STON2: variants seen among roughly 807,000 people sequenced by gnomAD.
STON2 encodes the protein stonin-2.
A neutral mutation model predicts 65.7 loss-of-function variants in STON2; 29 were observed. That is an observed-to-expected ratio of 0.44 (90% CI 0.33 to 0.60). STON2 has a LOEUF of 0.60. Among genes scored for constraint, STON2 ranks in the 20% least tolerant of loss-of-function variants. The probability of loss-of-function intolerance (pLI) is 0.03; values close to 1 mark genes in which losing one functional copy is unlikely to be tolerated. For missense variants in STON2, 1,054 were observed against 1,118.1 expected (o/e 0.94, Z 0.82); for synonymous variants, 404 against 414.2 (o/e 0.98, Z 0.30).
chr14:81,432,520 G>A (rs1902264031), intron 1 of STON2, among the ~76,000 whole-genome samples: 2 of 152,194 alleles, frequency 1.3e-5, no homozygotes, highest in African/African-American at 2.4e-5. Flanking sequence ...TCCACCCAGT[G>A]GGAAAGCTCA....
At position 81,330,175 on chromosome 14, in the gene STON2, C is replaced by T. The variant is rs373892545; in HGVS notation, c.572-5988G>A. 9.2e-5 allele frequency among the ~76,000 whole-genome samples: 14 copies of T among 152,342 alleles called. No individual in the cohort carries two copies. In the East Asian group the frequency reaches 2.3e-3, roughly 25 times the overall value. ...CCCCTGGTTATTCAACCATGCCAAG[C>T]CTCAGCATACCATCACCCCCTCTCG... On this transcript the variant is annotated intron_variant, in intron 4 of 7. Transcript: ENST00000614646.
At chr14:81,364,703 A>C (rs780164908) in intron 4 of STON2, among the ~76,000 whole-genome samples, 1 of 152,184 alleles carries the variant, frequency 6.6e-6, no homozygotes, top group Non-Finnish European at 1.5e-5. Flanking sequence ...AAGCGAATAC[A>C]TGTTATAAAT....
Position 81,396,159 on chromosome 14 carries a change from G to C in STON2, c.108C>G (p.Leu36=). 1 of 1,612,250 alleles carries C rather than the reference G, an allele frequency of 6.2e-7. No homozygotes were observed. The change falls in exon 3 of 8, where the codon CTC becomes CTG. Residue 36 remains leucine, a synonymous_variant. Transcript: ENST00000614646. The stretch of plus-strand genomic sequence containing the variant: ...GGTCTGGGGAAGATGACAGTCCTGG[G>C]AGGTGCTCTTCCGTGCCCCCTGAAA... ...AHSQGGTEEH[L]PGLSSSPDQS...
intron 4 of STON2, among the ~76,000 whole-genome samples, chr14:81,344,515 T>C (rs950283378): frequency 1.3e-5 from 2 of 152,266 alleles, no homozygotes; most frequent in Non-Finnish European, 2.9e-5. Flanking sequence ...CTGCATAGTA[T>C]TCCACTGTAT....
chr14:81,378,239 A>T (rs1312786226), intron 3 of STON2, among the ~76,000 whole-genome samples: 1 of 152,084 alleles, frequency 6.6e-6, no homozygotes, highest in Admixed American at 6.5e-5. Context: ...ATTCTGAGAC[A>T]GTGTTTCACT....
chr14:81,413,755 C>T lies in STON2; in HGVS notation c.-199+13347G>A, dbSNP rs1901286268. Among the ~76,000 whole-genome samples, 2 of 139,326 alleles carry T rather than the reference C, an allele frequency of 1.4e-5. 1 individual carries two copies. Among genetic ancestry groups the T allele is most frequent in the African/African-American group, 5.9e-5 (2 of 33,690 alleles). The allele number at this position is 139,326 out of a possible 152,430, so 91.4% of individuals were successfully genotyped here. A position where few individuals can be genotyped will look rare whatever the true frequency, so the allele number is the denominator to read the frequency against. ...AGGTTGCAGTGGGCAGAGATCACGC[C>T]ATTGCACTCCAGCCTGGGCAACAAG... is the stretch of plus-strand genomic sequence containing the variant. On this transcript the variant is annotated intron_variant, in intron 2 of 8. Coordinates refer to the STON2 transcript ENST00000553821.
At chr14:81,312,047 G>A (rs545851975) in intron 5 of STON2, among the ~76,000 whole-genome samples, 3 of 152,340 alleles carry the variant, frequency 2.0e-5, no homozygotes, top group South Asian at 2.1e-4. Flanking sequence ...GCTTGTGTAC[G>A]TAGCATGTGT....
At chr14:81,280,998 G>A (rs1345249360) in intron 5 of STON2, among the ~76,000 whole-genome samples, 5 of 135,190 alleles carry the variant, frequency 3.7e-5, no homozygotes, top group African/African-American at 5.8e-5. Context: ...GCGATAGAGC[G>A]AAACTCCGTC....
rs1900298919 is a variant in STON2, at chr14:81,396,019, G to A, written c.248C>T (p.Ser83Phe). The change falls in exon 3 of 8, where the codon TCC becomes TTC. Residue 83 changes from serine to phenylalanine, a missense_variant. Physicochemically the swap from Ser to Phe is radical, Grantham distance 155. Transcript: ENST00000614646. ...GGGCTGCTCAGGGCTCCCAGGTGGG[G>A]AAGCTGCTTCAGAGATGAGGCCCAT... Reference protein sequence around the residue: ...EKMGLISEAASPPGSPEQPPP... With the variant: ...EKMGLISEAAFPPGSPEQPPP... 3.7e-6 allele frequency: 6 copies of A among 1,614,224 alleles called. No homozygotes were observed. In the East Asian group the frequency reaches 1.3e-4, roughly 36 times the overall value.
intron 4 of STON2, among the ~76,000 whole-genome samples, chr14:81,345,835 CATATAAG>C: frequency 6.6e-6 from 1 of 152,098 alleles, no homozygotes. Context: ...GAGACTAATA[CATATAAG>C]ACTCCATATA....
chr14:81,366,363 G>C (rs113446463), intron 4 of STON2, among the ~76,000 whole-genome samples: 4,912 of 152,216 alleles, frequency 0.032, 131 homozygotes, highest in South Asian at 0.1. Context: ...ACCAAGCAAG[G>C]GGGCCAAGGC....
Position 81,306,220 on chromosome 14 carries a change from C to CTATTTTTTTTTTTTTTTTTTTTTTT in STON2, c.742+17796_742+17797insAAAAAAAAAAAAAAAAAAAAAAATA, listed in dbSNP as rs1555397665. Reference sequence around the variant, plus strand: ...TTATATATACACACACATACATACTCTTTTTTTTTTTTTTTTTTTTTTTTT... The same window carrying CTATTTTTTTTTTTTTTTTTTTTTTT: ...TTATATATACACACACATACATACTCTATTTTTTTTTTTTTTTTTTTTTTTTTTTTTTTTTTTTTTTTTTTTTTTT... On this transcript the variant is annotated intron_variant, in intron 5 of 7. Transcript: ENST00000614646. Among the ~76,000 whole-genome samples, 2 of 69,490 alleles carry CTATTTTTTTTTTTTTTTTTTTTTTT rather than the reference C, an allele frequency of 2.9e-5. 1 individual carries two copies. Among genetic ancestry groups the CTATTTTTTTTTTTTTTTTTTTTTTT allele is most frequent in the Non-Finnish European group, 5.1e-5 (2 of 39,088 alleles). 45.6% of individuals were successfully genotyped at this position (69,490 alleles called of 152,430 possible).
intron 3 of STON2, among the ~76,000 whole-genome samples, chr14:81,384,437 T>C (rs1172420984): frequency 1.3e-5 from 2 of 152,270 alleles, no homozygotes; most frequent in East Asian, 3.9e-4. Flanking sequence ...GGTTTCACTA[T>C]GTTGGCCAGG....
intron 4 of STON2, among the ~76,000 whole-genome samples, chr14:81,330,854 T>C (rs140303326): frequency 6.6e-6 from 1 of 152,356 alleles, no homozygotes; most frequent in East Asian, 1.9e-4. Context: ...GACTATGCAA[T>C]AGACTTCTCT....
chr14:81,292,462 C>T (rs1566892869), intron 5 of STON2, among the ~76,000 whole-genome samples: 2 of 152,132 alleles, frequency 1.3e-5, no homozygotes, highest in African/African-American at 4.8e-5. Flanking sequence ...GACCTGGTGG[C>T]AGTTAACTGA....
intron 4 of STON2, among the ~76,000 whole-genome samples, chr14:81,353,876 G>A (rs141232227): frequency 4.3e-4 from 66 of 152,260 alleles, no homozygotes; most frequent in East Asian, 1.5e-3. Flanking sequence ...CCCTATCAGA[G>A]TTACTAGCTA....
intron 3 of STON2, among the ~76,000 whole-genome samples, chr14:81,373,265 C>G (rs1339433282): frequency 6.6e-6 from 1 of 152,058 alleles, no homozygotes; most frequent in Non-Finnish European, 1.5e-5. Context: ...CCATAACAGT[C>G]TATACTAAAT....
At chr14:81,283,485 TAA>T (rs1895204605) in intron 5 of STON2, among the ~76,000 whole-genome samples, 1 of 151,120 alleles carries the variant, frequency 6.6e-6, no homozygotes, top group Non-Finnish European at 1.5e-5. Flanking sequence ...TAACAGCATA[TAA>T]AGGCATACCT....
At chr14:81,270,621 G>C in intron 7 of STON2, 49 bp downstream of exon 7, 1 of 1,614,104 alleles carries the variant, frequency 6.2e-7, no homozygotes, top group Non-Finnish European at 8.5e-7. Flanking sequence ...AGGGTAGTGG[G>C]GTGAACAAAT....
Sources: gnomAD v4.1 joint callset for allele counts (sites outside exome capture counted in the v4.1 genomes callset) on GRCh38, gnomAD v4.1.1 for gene constraint, MANE v1.5 for transcripts, NCBI Gene and HGNC (gene_info 2026-07-23, HGNC 2026-07-21) for gene names.